The following METTL2B variants were observed in gnomAD, a reference collection of about 807,000 sequenced individuals.
The protein encoded by METTL2B is tRNA N(3)-cytidine methyltransferase METTL2B.
In METTL2B, 28 loss-of-function variants were observed where a neutral mutation model predicts 51.0. That is an observed-to-expected ratio of 0.55 (90% CI 0.41 to 0.75). The LOEUF is 0.75. Among genes scored for constraint, METTL2B ranks in the 30% least tolerant of loss-of-function variants. The probability of loss-of-function intolerance (pLI) is 0.00; values close to 1 mark genes in which losing one functional copy is unlikely to be tolerated. For missense variants in METTL2B, 313 were observed against 460.7 expected, an observed-to-expected ratio of 0.68 and a Z score of 2.93; for synonymous variants, 128 against 166.3, an observed-to-expected ratio of 0.77 and a Z score of 1.77.
At chr7:128,501,603 G>A in intron 8 of METTL2B, 159 bp from the exon 9 acceptor site, 1 of 985,324 alleles carries the variant, frequency 1.0e-6, no homozygotes, top group Non-Finnish European at 1.2e-6. Context: ...ACCTAAACAT[G>A]AACTTGTTGT....
intron 4 of METTL2B, among the ~76,000 whole-genome samples, chr7:128,483,747 G>A (rs1258822251): frequency 4.0e-5 from 6 of 151,492 alleles, no homozygotes; most frequent in African/African-American, 1.2e-4. Context: ...TGATTGAGAC[G>A]GAGTTTTGCT....
intron 5 of METTL2B, among the ~76,000 whole-genome samples, chr7:128,491,831 G>A (rs1295261423): frequency 4.0e-5 from 6 of 151,210 alleles, no homozygotes; most frequent in African/African-American, 1.2e-4. Flanking sequence ...GGAATTGGTA[G>A]TGCCATGCTT....
At chr7:128,478,116 C>G (rs1799825902) in intron 2 of METTL2B, 2 of 314,986 alleles carry the variant, frequency 6.3e-6, no homozygotes, top group Admixed American at 3.8e-5. Flanking sequence ...TCCATTGTCA[C>G]CGTCCTGCTC....
rs1206151079 is a variant in METTL2B at position 128,476,759 on chromosome 7, C to T, written c.-7C>T. ...ACGGAAAGTGAAGTGTTTCCGGCTC[C>T]GGTGTCATGGCCGGCTCCTACCCTG... On this transcript the variant is annotated 5_prime_UTR_variant, in exon 1 of 9. Transcript: ENST00000262432. 3.1e-6 allele frequency: 5 copies of T among 1,613,460 alleles called. No homozygotes were observed. The highest frequency in any genetic ancestry group is 4.2e-6 in the Non-Finnish European group (5 of 1,179,738).
chr7:128,480,048 A>T (rs538540439), intron 3 of METTL2B, among the ~76,000 whole-genome samples: 1 of 152,288 alleles, frequency 6.6e-6, no homozygotes, highest in Admixed American at 6.5e-5. Context: ...CGTTACTGGA[A>T]GCTGGTTCTG....
rs73232665 is a variant in METTL2B, at chr7:128,498,131, G to T, written c.905G>T (p.Arg302Leu). The change falls in exon 7 of 9, where the codon CGG (arginine) becomes CTG (leucine). Residue 302 changes from arginine (R) to leucine (L), a missense_variant. Around this residue, in one of 4 missense-constraint regions of METTL2B, gnomAD observed 138 missense variants for 187.6 expected, o/e 0.74. Transcript: ENST00000262432. ...GGCCGCTATGACATGGCTCAGCTTC[G>T]GTTTAAAAAAGGTATTTTGAGAGTG... Reference protein sequence around the residue: ...DYGRYDMAQLRFKKGQCLSGN... With the variant: ...DYGRYDMAQLLFKKGQCLSGN... 5 of 1,613,450 alleles carry T rather than the reference G, an allele frequency of 3.1e-6. No individual in the cohort carries two copies. In the South Asian group the frequency reaches 5.5e-5, roughly 18 times the overall value.
Position 128,501,950 on chromosome 7 carries a change from T to G in METTL2B, c.*34T>G. The G allele has an allele frequency of 2.5e-6, 4 of 1,608,970 alleles. No individual in the cohort carries two copies. The highest frequency in any genetic ancestry group is 2.5e-6 in the Non-Finnish European group (3 of 1,176,722). Reference sequence around the variant, plus strand: ...TGCTGCCAACACGATGCAAGCCCGTTGTGTTTCCGAGCTTTTTTAAAAAAA... The same window carrying G: ...TGCTGCCAACACGATGCAAGCCCGTGGTGTTTCCGAGCTTTTTTAAAAAAA... On this transcript the variant is annotated 3_prime_UTR_variant, in exon 9 of 9. Coordinates refer to ENST00000262432, the MANE Select transcript of METTL2B (RefSeq NM_018396.3).
intron 4 of METTL2B, among the ~76,000 whole-genome samples, chr7:128,486,611 A>T (rs910351984): frequency 1.3e-5 from 2 of 152,034 alleles, no homozygotes; most frequent in Non-Finnish European, 2.9e-5. Context: ...TCACAAAAAA[A>T]AAAAGAAAAA....
chr7:128,490,172 T>C (rs1245423519), intron 5 of METTL2B, among the ~76,000 whole-genome samples: 4 of 152,158 alleles, frequency 2.6e-5, no homozygotes, highest in Non-Finnish European at 4.4e-5. Context: ...CTGGAGTAGA[T>C]TTGATCTCAA....
intron 5 of METTL2B, among the ~76,000 whole-genome samples, chr7:128,492,914 A>G (rs1206765540): frequency 6.6e-6 from 1 of 151,482 alleles, no homozygotes; most frequent in African/African-American, 2.4e-5. Context: ...CTGCGTGCTT[A>G]TTTAAAGTAT....
intron 5 of METTL2B, among the ~76,000 whole-genome samples, chr7:128,493,533 C>T (rs1370624850): frequency 6.6e-6 from 1 of 152,086 alleles, no homozygotes; most frequent in Non-Finnish European, 1.5e-5. Flanking sequence ...ATAGCAAAAA[C>T]CACAATTACT....
At position 128,502,675 on chromosome 7, in the gene METTL2B, G is replaced by C. The variant is rs1274397530; in HGVS notation, c.*759G>C. On this transcript the variant is annotated 3_prime_UTR_variant, in exon 9 of 9. Transcript: ENST00000262432. ...GCACTTTGGGAGGCCGAGGCGGGCA[G>C]ATCACCTGAGGTCAGGAGTTCGAGA... 10 of 443,496 alleles carry C rather than the reference G, an allele frequency of 2.3e-5. No individual in the cohort carries two copies. Among genetic ancestry groups the C allele is most frequent in the Admixed American group, 7.6e-5 (3 of 39,560 alleles). 27.5% of individuals were successfully genotyped at this position (443,496 alleles called of 1,614,324 possible).
chr7:128,482,682 C>A (rs1056773528), intron 4 of METTL2B, among the ~76,000 whole-genome samples: 10 of 152,122 alleles, frequency 6.6e-5, no homozygotes, highest in Non-Finnish European at 1.2e-4. Context: ...TACAGGCATG[C>A]GCCACAATGC....
chr7:128,501,138 C>T, intron 8 of METTL2B, 170 bp downstream of exon 8: 1 of 985,462 alleles, frequency 1.0e-6, no homozygotes, highest in Non-Finnish European at 1.2e-6. Flanking sequence ...CCATGGCAGC[C>T]AGCCACTCGG....
At chr7:128,501,003 C>T in intron 8 of METTL2B, 35 bp downstream of exon 8, 2 of 1,613,654 alleles carry the variant, frequency 1.2e-6, no homozygotes, top group South Asian at 1.1e-5. Flanking sequence ...CTAAAAGTCC[C>T]CAGTACCAGA....
At chr7:128,481,235 C>A (rs1022145415) in intron 4 of METTL2B, among the ~76,000 whole-genome samples, 25 of 152,184 alleles carry the variant, frequency 1.6e-4, no homozygotes, top group African/African-American at 6.0e-4. Context: ...AGGGTTTTTG[C>A]CAACACTGAC....
At position 128,501,968 on chromosome 7, in the gene METTL2B, TA is replaced by T. The variant is rs553710448; in HGVS notation, c.*61del. 2,348 of 1,598,658 alleles carry T rather than the reference TA, an allele frequency of 1.5e-3. 32 individuals are homozygous for T. The African/African-American group carries it at 0.028, about 19-fold the overall frequency. ...AGCCCGTTGTGTTTCCGAGCTTTTT[TA>T]AAAAAAAATTTGTAGCACCGGGCAT... is the stretch of plus-strand genomic sequence containing the variant. On this transcript the variant is annotated 3_prime_UTR_variant, in exon 9 of 9. Coordinates refer to ENST00000262432, the MANE Select transcript of METTL2B (RefSeq NM_018396.3).
chr7:128,500,312 A>G (rs1793005355), intron 7 of METTL2B, among the ~76,000 whole-genome samples: 1 of 152,124 alleles, frequency 6.6e-6, no homozygotes, highest in African/African-American at 2.4e-5. Context: ...AAACTCAGCT[A>G]TATTGCTTAA....
chr7:128,497,902 G>T (rs142802035), intron 6 of METTL2B, 134 bp from the exon 7 acceptor site: 16,079 of 812,214 alleles, frequency 0.02, 227 homozygotes, highest in South Asian at 0.052. Context: ...TCTAACTGAA[G>T]AGTAGAGGAG....
Sources: gnomAD v4.1 joint callset for allele counts (sites outside exome capture counted in the v4.1 genomes callset) on GRCh38, gnomAD v4.1.1 for gene constraint, gnomAD v4.1.1 regional missense constraint, MANE v1.5 for transcripts, NCBI Gene and HGNC (gene_info 2026-07-23, HGNC 2026-07-21) for gene names.